EPB41L4A: variants seen among roughly 807,000 people sequenced by gnomAD.
EPB41L4A encodes erythrocyte membrane protein band 4.1 like 4A.
In EPB41L4A, 100 loss-of-function variants were observed where a neutral mutation model predicts 108.6. That is an observed-to-expected ratio of 0.92 (90% CI 0.78 to 1.09). The LOEUF (loss-of-function observed/expected upper bound fraction) is 1.09, where lower values mean the gene tolerates loss of function less well. Among genes scored for constraint, EPB41L4A ranks in the 50% least tolerant of loss-of-function variants. The probability of loss-of-function intolerance (pLI) is 0.00; values close to 1 mark genes in which losing one functional copy is unlikely to be tolerated. For missense variants in EPB41L4A, 1,030 were observed against 842.7 expected, an observed-to-expected ratio of 1.22 and a Z score of -2.75; for synonymous variants, 319 against 289.0, an observed-to-expected ratio of 1.10 and a Z score of -1.05.
intron 12 of EPB41L4A, among the ~76,000 whole-genome samples, chr5:112,212,726 G>T (rs1375253830): frequency 6.6e-6 from 1 of 152,136 alleles, no homozygotes; most frequent in Non-Finnish European, 1.5e-5. Flanking sequence ...CCTAGGCTGG[G>T]AGAGGGGGCC....
chr5:112,303,514 C>G (rs1754505095), intron 2 of EPB41L4A, among the ~76,000 whole-genome samples: 1 of 152,048 alleles, frequency 6.6e-6, no homozygotes, highest in Non-Finnish European at 1.5e-5. Context: ...TTTTATGGAA[C>G]AGGCAGTGGA....
At chr5:112,186,086 C>G (rs1761413972) in intron 17 of EPB41L4A, among the ~76,000 whole-genome samples, 1 of 152,194 alleles carries the variant, frequency 6.6e-6, no homozygotes, top group Non-Finnish European at 1.5e-5. Flanking sequence ...GGACACAAAA[C>G]TCAGGTCTCC....
rs181866597 is a variant in EPB41L4A at position 112,402,603 on chromosome 5, C to T, written c.99+16338G>A. ...AAAAGAAAAAGCGTGGGGAAAAGTA[C>T]GTGGAAGACTCGGCACTACAGACAT... On this transcript the variant is annotated intron_variant, in intron 1 of 22. Transcript: ENST00000261486. Among the ~76,000 whole-genome samples the T allele has an allele frequency of 3.3e-5, 5 of 152,228 alleles. No individual in the cohort carries two copies. In the East Asian group the frequency reaches 7.7e-4, roughly 23 times the overall value.
intron 1 of EPB41L4A, among the ~76,000 whole-genome samples, chr5:112,385,196 G>A (rs1040320906): frequency 5.9e-5 from 9 of 152,174 alleles, no homozygotes; most frequent in East Asian, 1.9e-4. Context: ...CAAGTCCAAC[G>A]GGGAAGTGGT....
At chr5:112,413,330 G>A (rs1284625872) in intron 1 of EPB41L4A, among the ~76,000 whole-genome samples, 1 of 152,178 alleles carries the variant, frequency 6.6e-6, no homozygotes, top group Non-Finnish European at 1.5e-5. Flanking sequence ...ACAAAAATTA[G>A]AGTATCTTGA....
At chr5:112,279,064 CAAAAA>C (rs60463391) in intron 3 of EPB41L4A, among the ~76,000 whole-genome samples, 7 of 76,886 alleles carry the variant, frequency 9.1e-5, no homozygotes, top group Non-Finnish European at 1.3e-4. Context: ...GATACCGTCT[CAAAAA>C]AAAAAAAAAA....
chr5:112,391,189 G>T (rs778167398), intron 1 of EPB41L4A, among the ~76,000 whole-genome samples: 1 of 152,156 alleles, frequency 6.6e-6, no homozygotes, highest in Non-Finnish European at 1.5e-5. Context: ...GCAGCTCCTC[G>T]CCAGCAACAG....
intron 2 of EPB41L4A, among the ~76,000 whole-genome samples, chr5:112,304,386 C>T (rs17134328): frequency 0.027 from 4,056 of 152,134 alleles, 178 homozygotes; most frequent in African/African-American, 0.093. Flanking sequence ...AAACCAAGGC[C>T]CTAATATGAG....
intron 2 of EPB41L4A, among the ~76,000 whole-genome samples, chr5:112,291,876 C>G (rs913853589): frequency 6.6e-6 from 1 of 152,192 alleles, no homozygotes; most frequent in East Asian, 1.9e-4. Context: ...GTTTTGTAAG[C>G]TGCTCTAGCA....
intron 9 of EPB41L4A, among the ~76,000 whole-genome samples, chr5:112,241,576 G>T (rs1481296687): frequency 6.6e-6 from 1 of 152,108 alleles, no homozygotes; most frequent in South Asian, 2.1e-4. Context: ...AATTTAAAAA[G>T]CAATAGAGCA....
chr5:112,402,373 C>T (rs1390089307), intron 1 of EPB41L4A, among the ~76,000 whole-genome samples: 1 of 150,742 alleles, frequency 6.6e-6, no homozygotes, highest in African/African-American at 2.4e-5. Context: ...AATGCAAGAA[C>T]AGACTAATAC....
intron 1 of EPB41L4A, among the ~76,000 whole-genome samples, chr5:112,344,277 C>T (rs944926646): frequency 1.3e-5 from 2 of 152,314 alleles, no homozygotes; most frequent in South Asian, 4.2e-4. Context: ...AAGTACTCAA[C>T]ATCTACATGT....
chr5:112,300,441 T>C (rs1177475344), intron 2 of EPB41L4A, among the ~76,000 whole-genome samples: 1 of 152,186 alleles, frequency 6.6e-6, no homozygotes, highest in Non-Finnish European at 1.5e-5. Context: ...TCTTGGCTGA[T>C]AATTGTTTTG....
intron 1 of EPB41L4A, among the ~76,000 whole-genome samples, chr5:112,400,336 C>G (rs572564417): frequency 7.0e-6 from 1 of 142,692 alleles, no homozygotes; most frequent in African/African-American, 3.0e-5. Flanking sequence ...GATTACAATT[C>G]GAGGTGAGAT....
chr5:112,408,170 T>C (rs1762187827), intron 1 of EPB41L4A, among the ~76,000 whole-genome samples: 1 of 152,164 alleles, frequency 6.6e-6, no homozygotes, highest in South Asian at 2.1e-4. Context: ...AAAAACAGTC[T>C]TTTTAACAAA....
intron 13 of EPB41L4A, among the ~76,000 whole-genome samples, chr5:112,208,391 C>G (rs550918752): frequency 4.6e-5 from 7 of 152,160 alleles, no homozygotes; most frequent in African/African-American, 1.7e-4. Flanking sequence ...GAATACTACA[C>G]AGCCATAAAA....
downstream of EPB41L4A, chr5:112,142,300 A>T (rs1467922781): frequency 6.6e-6 from 1 of 152,140 alleles, no homozygotes; most frequent in Non-Finnish European, 1.5e-5. Flanking sequence ...AGATCCTTTC[A>T]TTCACCATCT....
At chr5:112,160,729 TG>T (rs1223036560), downstream of EPB41L4A, 2 of 154,982 alleles carry the variant, frequency 1.3e-5, no homozygotes, top group Non-Finnish European at 2.9e-5. Context: ...GGTCCCTCAC[TG>T]GCACTTCTCC....
intron 1 of EPB41L4A, among the ~76,000 whole-genome samples, chr5:112,380,330 C>T (rs1312576500): frequency 1.3e-5 from 2 of 152,130 alleles, no homozygotes; most frequent in Non-Finnish European, 2.9e-5. Flanking sequence ...TTCAATAAAA[C>T]TATTTTATTA....
Sources: gnomAD v4.1 joint callset for allele counts (sites outside exome capture counted in the v4.1 genomes callset) on GRCh38, gnomAD v4.1.1 for gene constraint, MANE v1.5 for transcripts, NCBI Gene and HGNC (gene_info 2026-07-23, HGNC 2026-07-21) for gene names.